Variants in EXOC6B observed in about 807,000 individuals in gnomAD.
The protein encoded by EXOC6B is exocyst complex component 6B.
Under a neutral mutation model 113.5 loss-of-function variants are expected in EXOC6B, and 54 were observed. The ratio of observed to expected loss-of-function variants is 0.48; its 90% CI spans 0.38 to 0.60. EXOC6B has a LOEUF of 0.60. Among genes scored for constraint, EXOC6B ranks in the 20% least tolerant of loss-of-function variants. EXOC6B has a pLI of 0.00. For synonymous variants in EXOC6B, 357 were observed against 339.0 expected (o/e 1.05, Z -0.58); for missense variants, 797 against 977.5 (o/e 0.82, Z 2.46).
chr2:72,582,238 T>A (rs1024213229), intron 6 of EXOC6B, among the ~76,000 whole-genome samples: 2 of 152,136 alleles, frequency 1.3e-5, no homozygotes, highest in Admixed American at 1.3e-4. Context: ...CCAGGAGCAG[T>A]GGCTTATGCC....
At chr2:72,495,765 T>C (rs1288300946) in intron 14 of EXOC6B, among the ~76,000 whole-genome samples, 3 of 152,146 alleles carry the variant, frequency 2.0e-5, no homozygotes, top group Non-Finnish European at 4.4e-5. Context: ...GATAAACAAA[T>C]TGTGTTACAT....
intron 18 of EXOC6B, among the ~76,000 whole-genome samples, chr2:72,396,425 T>A (rs552557711): frequency 2.0e-5 from 3 of 152,236 alleles, no homozygotes; most frequent in East Asian, 1.9e-4. Context: ...TGAAAAAAAT[T>A]TGCCTGGCTA....
At chr2:72,493,537 C>T (rs755239552) in intron 15 of EXOC6B, among the ~76,000 whole-genome samples, 8 of 151,350 alleles carry the variant, frequency 5.3e-5, no homozygotes, top group African/African-American at 1.2e-4. Flanking sequence ...TCCCTCTTTG[C>T]GCTGTTCTTT....
At chr2:72,823,462 A>G (rs1686697062) in intron 1 of EXOC6B, among the ~76,000 whole-genome samples, 1 of 125,700 alleles carries the variant, frequency 8.0e-6, no homozygotes, top group Admixed American at 7.7e-5. Flanking sequence ...GTTTTAAGAA[A>G]AAAAAAAAAA....
At chr2:72,650,184 A>G (rs1433112202) in intron 6 of EXOC6B, among the ~76,000 whole-genome samples, 1 of 152,206 alleles carries the variant, frequency 6.6e-6, no homozygotes, top group African/African-American at 2.4e-5. Context: ...TGAGAATCCA[A>G]TGCCTGATGA....
chr2:72,734,116 C>T (rs1429813756), intron 2 of EXOC6B, among the ~76,000 whole-genome samples: 1 of 152,066 alleles, frequency 6.6e-6, no homozygotes, highest in Non-Finnish European at 1.5e-5. Flanking sequence ...AACGTAATAC[C>T]CTTTAACTGA....
At chr2:72,672,445 ACG>A (rs1225630739) in intron 6 of EXOC6B, among the ~76,000 whole-genome samples, 2 of 151,414 alleles carry the variant, frequency 1.3e-5, no homozygotes, top group Non-Finnish European at 2.9e-5. Flanking sequence ...CCTGGCTAAC[ACG>A]GTGAAACCCG....
intron 18 of EXOC6B, among the ~76,000 whole-genome samples, chr2:72,404,878 GAGA>G (rs1399094418): frequency 2.0e-5 from 3 of 152,150 alleles, no homozygotes; most frequent in African/African-American, 7.2e-5. Flanking sequence ...GACGAGTTGA[GAGA>G]AGAAGGCTTC....
At chr2:72,391,999 T>C (rs1185639714) in intron 18 of EXOC6B, among the ~76,000 whole-genome samples, 1 of 152,234 alleles carries the variant, frequency 6.6e-6, no homozygotes, top group Non-Finnish European at 1.5e-5. Context: ...TAAAAATTCA[T>C]GTAATGAGCT....
At chr2:72,452,607 A>G (rs1436181774) in intron 18 of EXOC6B, among the ~76,000 whole-genome samples, 1 of 152,308 alleles carries the variant, frequency 6.6e-6, no homozygotes, top group Admixed American at 6.5e-5. Flanking sequence ...ATGAGAAGTC[A>G]TTCTGAGAAG....
At chr2:72,660,230 C>T (rs566183766) in intron 6 of EXOC6B, among the ~76,000 whole-genome samples, 1 of 151,936 alleles carries the variant, frequency 6.6e-6, no homozygotes, top group East Asian at 1.9e-4. Flanking sequence ...GGTAATTTAA[C>T]AATCTTGAAT....
intron 20 of EXOC6B, among the ~76,000 whole-genome samples, chr2:72,313,733 C>A (rs895844596): frequency 6.6e-6 from 1 of 152,096 alleles, no homozygotes; most frequent in Non-Finnish European, 1.5e-5. Context: ...TGGGACACAA[C>A]TAACATAAAA....
intron 8 of EXOC6B, among the ~76,000 whole-genome samples, chr2:72,552,621 A>G (rs916580377): frequency 6.6e-6 from 1 of 152,112 alleles, no homozygotes; most frequent in Non-Finnish European, 1.5e-5. Flanking sequence ...ACACAAAAAT[A>G]AAAAATAAAG....
intron 6 of EXOC6B, among the ~76,000 whole-genome samples, chr2:72,607,184 C>G (rs1670806384): frequency 6.6e-6 from 1 of 152,246 alleles, no homozygotes; most frequent in South Asian, 2.1e-4. Flanking sequence ...TTTGAACTAA[C>G]TCCAATTCTA....
chr2:72,509,247 G>A (rs1162630605), intron 11 of EXOC6B, among the ~76,000 whole-genome samples: 2 of 152,178 alleles, frequency 1.3e-5, no homozygotes, highest in African/African-American at 2.4e-5. Flanking sequence ...AGCTGACCAT[G>A]TGGACACCTT....
At chr2:72,404,160 G>A (rs1693554876) in intron 18 of EXOC6B, among the ~76,000 whole-genome samples, 1 of 152,204 alleles carries the variant, frequency 6.6e-6, no homozygotes, top group South Asian at 2.1e-4. Context: ...GGAGGCTGGG[G>A]GAGGGGCGCC....
At chr2:72,365,507 A>G (rs1690565525) in intron 19 of EXOC6B, among the ~76,000 whole-genome samples, 1 of 152,188 alleles carries the variant, frequency 6.6e-6, no homozygotes, top group Non-Finnish European at 1.5e-5. Context: ...GATGTGCTAT[A>G]AAGCAGGCAA....
At chr2:72,646,025 A>G (rs1673680239) in intron 6 of EXOC6B, among the ~76,000 whole-genome samples, 1 of 152,194 alleles carries the variant, frequency 6.6e-6, no homozygotes, top group African/African-American at 2.4e-5. Flanking sequence ...GAAAAGATCA[A>G]CAAAATTGAT....
chr2:72,767,808 T>TAAACAAAAAAAAAAAAAAAAAA (rs1683162442), intron 1 of EXOC6B, among the ~76,000 whole-genome samples: 1 of 12,680 alleles, frequency 7.9e-5, no homozygotes, highest in African/African-American at 3.0e-4. Context: ...GAGACCTTGT[T>TAAACAAAAAAAAAAAAAAAAAA]AAAAAAAAAA....
Sources: allele counts gnomAD v4.1 joint callset (sites outside exome capture counted in the v4.1 genomes callset), GRCh38; gene constraint gnomAD v4.1.1; transcripts MANE v1.5; gene names NCBI Gene and HGNC (gene_info 2026-07-23, HGNC 2026-07-21).